Variants in ZFYVE9 observed in about 807,000 individuals in gnomAD.
ZFYVE9 encodes the protein zinc finger FYVE-type containing 9.
In ZFYVE9, 43 loss-of-function variants were observed where a neutral mutation model predicts 126.7. That is an observed-to-expected ratio of 0.34 (90% confidence interval 0.27 to 0.44). The LOEUF (loss-of-function observed/expected upper bound fraction) is 0.44, where lower values mean the gene tolerates loss of function less well. ZFYVE9 is among the 20% of genes least tolerant of loss of function. The pLI, the probability that ZFYVE9 is intolerant of heterozygous loss-of-function variation, is 1.00. For synonymous variants in ZFYVE9, 521 were observed against 597.4 expected, an observed-to-expected ratio of 0.87 and a Z score of 1.87; for missense variants, 1,476 against 1,697.0, an observed-to-expected ratio of 0.87 and a Z score of 2.29.
chr1:52,187,657 T>C (rs1459982312), intron 1 of ZFYVE9, among the ~76,000 whole-genome samples: 4 of 152,186 alleles, frequency 2.6e-5, no homozygotes, highest in Admixed American at 1.3e-4. Context: ...ATGAACACTT[T>C]TCAAAAGAAG....
At chr1:52,292,570 C>T (rs192722468) in intron 10 of ZFYVE9, among the ~76,000 whole-genome samples, 3 of 148,024 alleles carry the variant, frequency 2.0e-5, no homozygotes, top group South Asian at 2.1e-4. Context: ...CTCCCAGGTT[C>T]GAGCAATTCT....
intron 3 of ZFYVE9, among the ~76,000 whole-genome samples, chr1:52,234,493 G>T (rs1003772424): frequency 1.3e-5 from 2 of 152,108 alleles, no homozygotes; most frequent in Non-Finnish European, 2.9e-5. Flanking sequence ...TTCCATATTG[G>T]TTTACAAACC....
intron 4 of ZFYVE9, among the ~76,000 whole-genome samples, chr1:52,257,632 A>G (rs1645534649): frequency 6.6e-6 from 1 of 152,232 alleles, no homozygotes; most frequent in African/African-American, 2.4e-5. Flanking sequence ...CAAAAGTTGA[A>G]TGGCTCTAGA....
chr1:52,345,039 C>A, intron 18 of ZFYVE9, 95 bp downstream of exon 18: 1 of 1,368,230 alleles, frequency 7.3e-7, no homozygotes, highest in South Asian at 1.3e-5. Context: ...GAGCTTAATT[C>A]TCCGACCTTC....
At position 52,238,706 on chromosome 1, in the gene ZFYVE9, A is replaced by T; in HGVS notation, c.1289A>T (p.Asp430Val). 1 of 1,614,150 alleles carries T rather than the reference A, an allele frequency of 6.2e-7. No homozygotes were observed. Among genetic ancestry groups the T allele is most frequent in the Non-Finnish European group, 8.5e-7 (1 of 1,179,978 alleles). ...EKFLQISQPE[D>V]TNGDSGGQCV... ...TTTCTACAGATTAGTCAGCCTGAGG[A>T]CACTAATGGTGATAGTGGAGGACAG... Residue 430 changes from aspartate (D) to valine (V), a missense_variant, in exon 4 of 19, where the codon GAC becomes GTC. Transcript: ENST00000287727.
intron 10 of ZFYVE9, among the ~76,000 whole-genome samples, chr1:52,286,803 C>T (rs1021083801): frequency 1.3e-5 from 2 of 152,194 alleles, no homozygotes; most frequent in Admixed American, 1.3e-4. Flanking sequence ...TCTGCATGAT[C>T]TGTTCCTATA....
chr1:52,142,612 G>A lies in ZFYVE9; in HGVS notation c.-143+209G>A, dbSNP rs746909248. Among the ~76,000 whole-genome samples, 5 of 152,152 alleles carry A rather than the reference G, an allele frequency of 3.3e-5. No homozygotes were observed. The highest frequency in any genetic ancestry group is 7.4e-5 in the Non-Finnish European group (5 of 68,014). ...CGATTAGGCCCCGCGCCGTTGGGAA[G>A]CCCTCGCTCCGGCCTCGGTTCCGGC... On this transcript the variant is annotated intron_variant, in intron 1 of 18. Coordinates refer to ENST00000287727, the MANE Select transcript of ZFYVE9 (RefSeq NM_004799.4). This position sits in a 1 kb window ranked among gnomAD's most constrained non-coding sequence, Gnocchi z 4.5.
rs75113522 is a variant in ZFYVE9, at chr1:52,317,915, T to C, written c.3438+13990T>C. Among the ~76,000 whole-genome samples the C allele has an allele frequency of 4.0e-3, 603 of 152,342 alleles. 3 individuals carry two copies. Among genetic ancestry groups the C allele is most frequent in the African/African-American group, 0.014 (573 of 41,584 alleles). On this transcript the variant is annotated intron_variant, in intron 13 of 18. Coordinates refer to ENST00000287727, the MANE Select transcript of ZFYVE9 (RefSeq NM_004799.4). ...TATTTATTAAAAGAATTGACTTTAT[T>C]GTTTAAAACCTTCTCACAAAGAAAA...
intron 1 of ZFYVE9, among the ~76,000 whole-genome samples, chr1:52,175,348 C>A (rs1644615779): frequency 6.6e-6 from 1 of 151,492 alleles, no homozygotes; most frequent in Non-Finnish European, 1.5e-5. Flanking sequence ...TCTCTTCTGG[C>A]TCGTAGAGTT....
chr1:52,340,456 A>G (rs1241815418), intron 17 of ZFYVE9, among the ~76,000 whole-genome samples: 1 of 152,226 alleles, frequency 6.6e-6, no homozygotes, highest in African/African-American at 2.4e-5. Context: ...TAACTTTTAG[A>G]TATTTCTTTG....
intron 13 of ZFYVE9, among the ~76,000 whole-genome samples, chr1:52,318,942 C>T (rs925131530): frequency 6.6e-6 from 1 of 152,024 alleles, no homozygotes; most frequent in Non-Finnish European, 1.5e-5. Context: ...ACAAAAAATA[C>T]AAAAATTAGC....
intron 1 of ZFYVE9, among the ~76,000 whole-genome samples, chr1:52,173,435 T>C (rs1287168667): frequency 1.3e-5 from 2 of 152,240 alleles, no homozygotes. Context: ...TGCATCAATG[T>C]TCATCAAGGA....
intron 1 of ZFYVE9, among the ~76,000 whole-genome samples, chr1:52,207,291 G>C (rs992748174): frequency 1.3e-5 from 2 of 152,158 alleles, no homozygotes; most frequent in Non-Finnish European, 2.9e-5. Context: ...CTGTTCTAGC[G>C]ATTTCAATGC....
In ZFYVE9 at chr1:52,239,343, C is replaced by A. The variant is rs146046897; in HGVS notation, c.1926C>A (p.Val642=). 6.2e-7 allele frequency: 1 copy of A among 1,614,146 alleles called. No individual in the cohort carries two copies. Among genetic ancestry groups the A allele is most frequent in the Non-Finnish European group, 8.5e-7 (1 of 1,180,000 alleles). Residue 642 remains valine, a synonymous_variant, in exon 4 of 19, where the codon GTC becomes GTA. Coordinates refer to ENST00000287727, the MANE Select transcript of ZFYVE9 (RefSeq NM_004799.4). ...CSPSLGNISN[V]DTNGEHLESY... ...CATCTTTGGGAAACATCTCTAATGTCGATACAAATGGGGAACATTTAGAAA... is the reference window on the plus strand; with the variant it reads ...CATCTTTGGGAAACATCTCTAATGTAGATACAAATGGGGAACATTTAGAAA...
chr1:52,326,977 A>G (rs1052600981), intron 13 of ZFYVE9, among the ~76,000 whole-genome samples: 2 of 152,046 alleles, frequency 1.3e-5, no homozygotes, highest in African/African-American at 2.4e-5. Flanking sequence ...CCTGGCTAAC[A>G]TGGTGAAACC....
At chr1:52,345,881 G>A (rs1646479027) in intron 18 of ZFYVE9, 179 bp from the exon 19 acceptor site, 1 of 546,458 alleles carries the variant, frequency 1.8e-6, no homozygotes, top group Admixed American at 3.6e-5. Flanking sequence ...AAGTGGTCAG[G>A]AGGAGTAAAC....
intron 10 of ZFYVE9, among the ~76,000 whole-genome samples, chr1:52,286,000 C>CA (rs1373177072): frequency 1.3e-5 from 2 of 151,862 alleles, no homozygotes; most frequent in African/African-American, 4.8e-5. Flanking sequence ...ACTAAAAATA[C>CA]AAAAAATTAG....
chr1:52,235,671 T>G (rs1645266980), intron 3 of ZFYVE9, among the ~76,000 whole-genome samples: 1 of 152,198 alleles, frequency 6.6e-6, no homozygotes, highest in African/African-American at 2.4e-5. Context: ...CAAACTGATT[T>G]ACTTATTGCT....
chr1:52,295,446 C>A (rs1645964111), intron 11 of ZFYVE9, among the ~76,000 whole-genome samples: 1 of 151,990 alleles, frequency 6.6e-6, no homozygotes, highest in African/African-American at 2.4e-5. Context: ...CATTCTGTCA[C>A]CTGGGCTCAA....
Sources: gnomAD v4.1 joint callset for allele counts (sites outside exome capture counted in the v4.1 genomes callset) on GRCh38, gnomAD v4.1.1 for gene constraint, Gnocchi (gnomAD v3.1) non-coding constraint, MANE v1.5 for transcripts, NCBI Gene and HGNC (gene_info 2026-07-23, HGNC 2026-07-21) for gene names.